The following TKTL1 variants were observed in gnomAD, a reference collection of about 807,000 sequenced individuals.
TKTL1 encodes transketolase-like protein 1.
In TKTL1, 1 loss-of-function variant was observed where a neutral mutation model predicts 39.3. That is an observed-to-expected ratio of 0.03 (90% confidence interval 0.01 to 0.12). TKTL1 has a LOEUF of 0.12. TKTL1 is among the 10% of genes least tolerant of loss of function. The pLI, the probability that TKTL1 is intolerant of heterozygous loss-of-function variation, is 1.00. For synonymous variants in TKTL1, 262 were observed against 193.8 expected, an observed-to-expected ratio of 1.35 and a Z score of -2.92; for missense variants, 575 against 509.6, an observed-to-expected ratio of 1.13 and a Z score of -1.24.
At position 154,295,804 on chromosome X, in the gene TKTL1, T is replaced by C; in HGVS notation, c.-56T>C. On this transcript the variant is annotated 5_prime_UTR_variant, in exon 1 of 13. Transcript: ENST00000369915. ...TGGGCAGCTCGCAGGCGCCATTCGC[T>C]CTTCAGACGCCGGAGACGTAGGAGT... 1 of 1,185,478 alleles carries C rather than the reference T, an allele frequency of 8.4e-7. No individual in the cohort carries two copies. Among genetic ancestry groups the C allele is most frequent in the South Asian group, 1.9e-5 (1 of 53,805 alleles).
chrX:154,328,571 AAAAAAAAAAAAAAAAAAAAAAGT>A (rs2067512145), intron 12 of TKTL1, among the ~76,000 whole-genome samples: 1 of 79,698 alleles, frequency 1.3e-5, no homozygotes, highest in Non-Finnish European at 2.2e-5. Context: ...AAAAAAAAAA[AAAAAAAAAAAAAAAAAAAAAAGT>A]GTGCCCCGAC....
chrX:154,325,332 G>T lies in TKTL1; in HGVS notation c.1318-7G>T, dbSNP rs1434445485. On this transcript the variant is annotated splice_polypyrimidine_tract_variant and splice_region_variant and intron_variant, in intron 9 of 12. Coordinates refer to ENST00000369915, the MANE Select transcript of TKTL1 (RefSeq NM_012253.4). ...TTTTCTAAACCATGGCTCCATTTAT[G>T]CCCTAGGGGATGTGCTTCATTCGGA... 4.2e-6 allele frequency: 5 copies of T among 1,204,548 alleles called. No individual in the cohort carries two copies. In the African/African-American group the frequency reaches 5.2e-5, roughly 13 times the overall value.
chrX:154,307,073 A>G (rs1410585642), intron 2 of TKTL1, among the ~76,000 whole-genome samples: 1 of 110,938 alleles, frequency 9.0e-6, no homozygotes, highest in Non-Finnish European at 1.9e-5. Flanking sequence ...ATCTCTTGAG[A>G]CCAGCCTGGG....
intron 1 of TKTL1, among the ~76,000 whole-genome samples, chrX:154,297,869 C>T (rs966403853): frequency 8.1e-5 from 9 of 111,607 alleles, no homozygotes; most frequent in Non-Finnish European, 1.7e-4. Context: ...TGTGCCACTA[C>T]GGCCTGGGGA....
intron 7 of TKTL1, among the ~76,000 whole-genome samples, chrX:154,319,407 C>T (rs1557170129): frequency 8.9e-5 from 10 of 111,808 alleles, no homozygotes; most frequent in Non-Finnish European, 1.9e-4. Flanking sequence ...TGAGAGCATG[C>T]CCTTTGGGGA....
intron 1 of TKTL1, among the ~76,000 whole-genome samples, chrX:154,303,021 AC>A (rs2067285598): frequency 9.1e-6 from 1 of 110,426 alleles, no homozygotes; most frequent in Admixed American, 9.7e-5. Context: ...TTGAGCCATC[AC>A]GTTTGTGGCA....
chrX:154,328,186 G>A (rs782446919), intron 12 of TKTL1, among the ~76,000 whole-genome samples: 8 of 111,448 alleles, frequency 7.2e-5, no homozygotes, highest in Admixed American at 6.7e-4. Flanking sequence ...CAGAGGAGTG[G>A]CTATTGCAGG....
intron 1 of TKTL1, among the ~76,000 whole-genome samples, chrX:154,301,054 C>T (rs782180331): frequency 1.8e-5 from 2 of 110,758 alleles, no homozygotes; most frequent in Admixed American, 9.6e-5. Context: ...TTGACTTCCT[C>T]TTCTCCAATT....
At chrX:154,314,486 T>C (rs782725411) in intron 6 of TKTL1, among the ~76,000 whole-genome samples, 30 of 111,616 alleles carry the variant, frequency 2.7e-4, no homozygotes, top group African/African-American at 8.8e-4. Flanking sequence ...GAGGGAAGTG[T>C]GATCATCATC....
rs898626696 is a variant in TKTL1 at position 154,327,668 on chromosome X, T to C, written c.1479T>C (p.Ala493=). ...GITVYEALAA[A]DELSKQDIFI... ...CTGTGTATGAAGCCTTAGCAGCTGC[T>C]GATGAGCTTTCGAAACAAGGTCAGT... The change falls in exon 11 of 13, where the codon GCT becomes GCC. Residue 493 remains alanine (A), a synonymous_variant. Transcript: ENST00000369915. 8.3e-7 allele frequency: 1 copy of C among 1,210,952 alleles called. No homozygotes were observed. The highest frequency in any genetic ancestry group is 1.7e-5 in the African/African-American group (1 of 57,765).
intron 6 of TKTL1, among the ~76,000 whole-genome samples, chrX:154,314,210 T>G: frequency 9.0e-6 from 1 of 111,352 alleles, no homozygotes; most frequent in Non-Finnish European, 1.9e-5. Flanking sequence ...TGTTTCAAAT[T>G]TTTCCAAATA....
intron 5 of TKTL1, 119 bp from the exon 6 acceptor site, chrX:154,312,461 G>A: frequency 2.9e-6 from 2 of 701,173 alleles, no homozygotes; most frequent in Non-Finnish European, 4.1e-6. Context: ...TCTGTGCCAG[G>A]TGTTCCTCCT....
chrX:154,303,379 A>ATTTTTTTTT (rs1172255094), intron 1 of TKTL1, among the ~76,000 whole-genome samples: 1 of 33,674 alleles, frequency 3.0e-5, no homozygotes, highest in African/African-American at 1.3e-4. Context: ...TGCCCAGCTA[A>ATTTTTTTTT]TTTTTTTTTT....
chrX:154,300,039 G>A (rs1307127587), intron 1 of TKTL1, among the ~76,000 whole-genome samples: 1 of 99,883 alleles, frequency 1.0e-5, no homozygotes, highest in Non-Finnish European at 2.0e-5. Flanking sequence ...GTCTTGAGAC[G>A]GAGTCTTGCT....
intron 5 of TKTL1, among the ~76,000 whole-genome samples, chrX:154,311,465 G>A (rs1480682574): frequency 8.9e-6 from 1 of 112,236 alleles, no homozygotes; most frequent in Non-Finnish European, 1.9e-5. Context: ...TGTGCTGCCT[G>A]CACAAGGGAG....
intron 1 of TKTL1, among the ~76,000 whole-genome samples, chrX:154,300,160 C>T (rs2067262252): frequency 9.0e-6 from 1 of 110,939 alleles, no homozygotes; most frequent in Non-Finnish European, 1.9e-5. Context: ...GGACTACAGG[C>T]ACACGCCACC....
At chrX:154,318,569 G>T (rs376756996) in intron 7 of TKTL1, among the ~76,000 whole-genome samples, 1 of 108,231 alleles carries the variant, frequency 9.2e-6, no homozygotes, top group African/African-American at 3.4e-5. Context: ...TTAGCCGGGC[G>T]TGGTGGTGGG....
chrX:154,305,445 C>A (rs1557167041), intron 2 of TKTL1, 24 bp downstream of exon 2: 1 of 1,195,750 alleles, frequency 8.4e-7, no homozygotes, highest in Non-Finnish European at 1.1e-6. Flanking sequence ...GAGCCCAGGG[C>A]TGCTGTGGCG....
intron 7 of TKTL1, among the ~76,000 whole-genome samples, chrX:154,317,380 A>G (rs1557169576): frequency 9.0e-6 from 1 of 111,649 alleles, no homozygotes; most frequent in Non-Finnish European, 1.9e-5. Flanking sequence ...AGCCGTGTGC[A>G]GATGTGGGAG....
Sources: allele counts gnomAD v4.1 joint callset (sites outside exome capture counted in the v4.1 genomes callset), GRCh38; gene constraint gnomAD v4.1.1; transcripts MANE v1.5; gene names NCBI Gene and HGNC (gene_info 2026-07-23, HGNC 2026-07-21).